Variants in PTBP3 observed in about 807,000 individuals in gnomAD.
PTBP3 encodes polypyrimidine tract binding protein 3.
A neutral mutation model predicts 58.7 loss-of-function variants in PTBP3; 20 were observed. That is an observed-to-expected ratio of 0.34 (90% CI 0.24 to 0.50). The LOEUF (loss-of-function observed/expected upper bound fraction) is 0.50. Among genes scored for constraint, PTBP3 ranks in the 20% least tolerant of loss-of-function variants. The pLI, the probability that PTBP3 is intolerant of heterozygous loss-of-function variation, is 0.98. For synonymous variants in PTBP3, 185 were observed against 219.8 expected, an observed-to-expected ratio of 0.84 and a Z score of 1.40; for missense variants, 509 against 637.2, an observed-to-expected ratio of 0.80 and a Z score of 2.17.
intron 1 of PTBP3, among the ~76,000 whole-genome samples, chr9:112,320,133 T>C (rs1829857625): frequency 6.6e-6 from 1 of 151,580 alleles, no homozygotes; most frequent in Non-Finnish European, 1.5e-5. Context: ...TAAAATTAGC[T>C]GGGCATGGTG....
intron 7 of PTBP3, among the ~76,000 whole-genome samples, chr9:112,246,086 A>T (rs1034478270): frequency 3.3e-5 from 5 of 151,630 alleles, no homozygotes; most frequent in African/African-American, 1.2e-4. Flanking sequence ...AGGTTCAAGC[A>T]ATTTTCCTGC....
At chr9:112,287,403 G>C (rs555478055) in intron 2 of PTBP3, among the ~76,000 whole-genome samples, 112 of 131,136 alleles carry the variant, frequency 8.5e-4, no homozygotes, top group Middle Eastern at 9.4e-3. Flanking sequence ...GAAGTGGTAC[G>C]ATCTCGGCTC....
intron 7 of PTBP3, among the ~76,000 whole-genome samples, chr9:112,246,623 G>T (rs1287696253): frequency 6.6e-6 from 1 of 150,936 alleles, no homozygotes; most frequent in Non-Finnish European, 1.5e-5. Flanking sequence ...AACCCGGGAG[G>T]CGGAGCTAGC....
chr9:112,277,277 T>C (rs1198498251), intron 2 of PTBP3, among the ~76,000 whole-genome samples: 1 of 152,206 alleles, frequency 6.6e-6, no homozygotes, highest in Non-Finnish European at 1.5e-5. Context: ...CGTACCTTTA[T>C]ATAGCAAATG....
chr9:112,330,284 C>T (rs552240222), intron 1 of PTBP3, among the ~76,000 whole-genome samples: 5 of 152,214 alleles, frequency 3.3e-5, no homozygotes, highest in Admixed American at 6.5e-5. Flanking sequence ...CTTATAAATA[C>T]GTAAAATCCA....
intron 12 of PTBP3, among the ~76,000 whole-genome samples, chr9:112,226,118 C>T (rs1485917508): frequency 6.6e-6 from 1 of 151,690 alleles, no homozygotes; most frequent in Non-Finnish European, 1.5e-5. Flanking sequence ...TAATTGTTGT[C>T]CATTTACCCT....
chr9:112,316,810 A>G (rs1426397748), intron 1 of PTBP3, among the ~76,000 whole-genome samples: 1 of 152,120 alleles, frequency 6.6e-6, no homozygotes, highest in African/African-American at 2.4e-5. Context: ...CGTCTCTACT[A>G]AAAATATAAA....
chr9:112,299,162 T>C (rs1028233274), intron 1 of PTBP3, among the ~76,000 whole-genome samples: 2 of 152,214 alleles, frequency 1.3e-5, no homozygotes, highest in African/African-American at 4.8e-5. Flanking sequence ...GATTTTTATA[T>C]ATGAGGAATT....
the PTBP3 span, among the ~76,000 whole-genome samples, chr9:112,355,688 G>T: frequency 2.7e-5 from 4 of 148,932 alleles, no homozygotes; most frequent in South Asian, 4.2e-4. Flanking sequence ...GTGCAGTGGC[G>T]TGATCACAGC....
At chr9:112,275,253 A>C (rs1338484936) in intron 3 of PTBP3, among the ~76,000 whole-genome samples, 1 of 151,898 alleles carries the variant, frequency 6.6e-6, no homozygotes, top group Non-Finnish European at 1.5e-5. Flanking sequence ...CTCCTGCCTC[A>C]GCCTCCCAAG....
chr9:112,218,821 T>C lies in PTBP3; in HGVS notation c.*5030A>G, dbSNP rs1305304408. ...AAAACCTTTTTTTCTTTTTTGGCCT[T>C]GTTAAAAAAAATGTTGTTACAAATA... On this transcript the variant is annotated 3_prime_UTR_variant, in exon 14 of 14. Coordinates refer to ENST00000374257, the MANE Select transcript of PTBP3 (RefSeq NM_001163788.4). 6.6e-6 allele frequency: 1 copy of C among 152,610 alleles called. No homozygotes were observed. The highest frequency in any genetic ancestry group is 1.5e-5 in the Non-Finnish European group (1 of 68,038). 9.5% of individuals were successfully genotyped at this position (152,610 alleles called of 1,614,324 possible).
At chr9:112,326,993 G>C (rs1165832031) in intron 1 of PTBP3, among the ~76,000 whole-genome samples, 3 of 152,106 alleles carry the variant, frequency 2.0e-5, no homozygotes, top group African/African-American at 4.8e-5. Context: ...TGAGGCAGGA[G>C]AATCACTTGA....
intron 5 of PTBP3, among the ~76,000 whole-genome samples, chr9:112,253,179 G>C (rs1390447515): frequency 2.6e-5 from 4 of 152,184 alleles, no homozygotes; most frequent in Non-Finnish European, 4.4e-5. Context: ...TGTTCAACTA[G>C]AGGCTGCTCT....
At chr9:112,258,475 T>G (rs1836463483) in intron 5 of PTBP3, among the ~76,000 whole-genome samples, 1 of 152,218 alleles carries the variant, frequency 6.6e-6, no homozygotes, top group African/African-American at 2.4e-5. Flanking sequence ...GAATATCTAA[T>G]AGGTATTCTT....
chr9:112,300,858 G>A (rs1828893064), intron 1 of PTBP3, among the ~76,000 whole-genome samples: 1 of 152,160 alleles, frequency 6.6e-6, no homozygotes, highest in African/African-American at 2.4e-5. Flanking sequence ...GCACTTGGGA[G>A]GCCAAGGAGG....
At chr9:112,332,746 T>C in intron 1 of PTBP3, 1 of 1,609,286 alleles carries the variant, frequency 6.2e-7, no homozygotes, top group Non-Finnish European at 8.5e-7. Context: ...GCATTTGAAA[T>C]GCCCCCGAAA....
At chr9:112,349,737 G>T in the PTBP3 span, among the ~76,000 whole-genome samples, 254 of 151,746 alleles carry the variant, frequency 1.7e-3, 2 homozygotes, top group South Asian at 0.015. Flanking sequence ...CAGGCGGGGC[G>T]CCTGTAATCC....
the PTBP3 span, among the ~76,000 whole-genome samples, chr9:112,344,672 G>A: frequency 6.6e-6 from 1 of 152,120 alleles, no homozygotes; most frequent in Non-Finnish European, 1.5e-5. Context: ...ATTATTTGCA[G>A]CTGATATGAT....
chr9:112,366,925 C>T, the PTBP3 span, among the ~76,000 whole-genome samples: 1 of 152,276 alleles, frequency 6.6e-6, no homozygotes, highest in African/African-American at 2.4e-5. Flanking sequence ...GTGGAGCTGC[C>T]CAGGACTGTG....
Sources: allele counts gnomAD v4.1 joint callset (sites outside exome capture counted in the v4.1 genomes callset), GRCh38; gene constraint gnomAD v4.1.1; transcripts MANE v1.5; gene names NCBI Gene and HGNC (gene_info 2026-07-23, HGNC 2026-07-21).